Variants in PLXNA4 observed in about 807,000 individuals in gnomAD.
PLXNA4 encodes the protein plexin A4, also known as plexin-A4.
In PLXNA4, 44 loss-of-function variants were observed where a neutral mutation model predicts 191.8. The observed-to-expected ratio is 0.23, with a 90% CI of 0.18 to 0.29. The LOEUF (loss-of-function observed/expected upper bound fraction) is 0.29. PLXNA4 is among the 10% of genes least tolerant of loss of function. PLXNA4 has a pLI of 1.00. For synonymous variants in PLXNA4, 1,082 were observed against 1,009.5 expected, an observed-to-expected ratio of 1.07 and a Z score of -1.36; for missense variants, 1,800 against 2,488.8, an observed-to-expected ratio of 0.72 and a Z score of 5.89.
At position 132,354,186 on chromosome 7, in the gene PLXNA4, CGTGT is replaced by C. The variant is rs59554805; in HGVS notation, c.1372-55968_1372-55965del. 1.2e-4 allele frequency among the ~76,000 whole-genome samples: 16 copies of C among 132,630 alleles called. No individual in the cohort carries two copies. The East Asian group carries it at 1.4e-3, about 11-fold the overall frequency. The allele number at this position is 132,630 out of a possible 152,430, so 87.0% of individuals were successfully genotyped here. On this transcript the variant is annotated intron_variant, in intron 3 of 31. Transcript: ENST00000321063. ...AAGCCTGGGGCACCAACAGTGTGTG[CGTGT>C]GTGTGTGTGTGTGTGAGTGCACTGC... is the stretch of plus-strand genomic sequence containing the variant.
At chr7:132,240,410 T>C (rs1410962477) in intron 5 of PLXNA4, among the ~76,000 whole-genome samples, 3 of 152,190 alleles carry the variant, frequency 2.0e-5, no homozygotes, top group African/African-American at 7.2e-5. Context: ...AATAATAAAA[T>C]GGAGCCACAC....
At chr7:132,197,715 A>T (rs1797296012) in intron 13 of PLXNA4, among the ~76,000 whole-genome samples, 2 of 152,162 alleles carry the variant, frequency 1.3e-5, no homozygotes. Context: ...CTGATGGTTC[A>T]GAATTAGTAA....
chr7:132,479,753 G>A (rs560190642), intron 3 of PLXNA4, among the ~76,000 whole-genome samples: 10 of 152,188 alleles, frequency 6.6e-5, no homozygotes, highest in East Asian at 1.9e-4. Context: ...GGGTTCAAGC[G>A]ATTCTCCTGC....
rs1563048082 is a variant in PLXNA4 at position 132,132,430 on chromosome 7, C to CTGT, written c.5589+616_5589+618dup. Among the ~76,000 whole-genome samples the CTGT allele has an allele frequency of 2.4e-3, 186 of 76,380 alleles. 3 individuals are homozygous for CTGT. Among genetic ancestry groups the CTGT allele is most frequent in the African/African-American group, 8.5e-3 (176 of 20,708 alleles). The allele number at this position is 76,380 out of a possible 152,430, so 50.1% of individuals were successfully genotyped here. On this transcript the variant is annotated intron_variant, in intron 31 of 31. Transcript: ENST00000321063. ...CTGTTCTGTTCTGTTCTGTTCTGTT[C>CTGT]TGTTCTGTTCTGTTCTGTTCTGTTC...
intron 3 of PLXNA4, among the ~76,000 whole-genome samples, chr7:132,417,236 G>T (rs1484448501): frequency 2.0e-5 from 3 of 152,152 alleles, no homozygotes; most frequent in African/African-American, 7.2e-5. Flanking sequence ...GACAGCCAGA[G>T]ATGAAATGGC....
At chr7:132,322,776 G>A (rs1227423958) in intron 3 of PLXNA4, among the ~76,000 whole-genome samples, 2 of 152,152 alleles carry the variant, frequency 1.3e-5, no homozygotes, top group Non-Finnish European at 2.9e-5. Flanking sequence ...GGAAATTTAG[G>A]AGATCATTGG....
chr7:132,414,325 T>C (rs1794576511), intron 3 of PLXNA4, among the ~76,000 whole-genome samples: 3 of 152,106 alleles, frequency 2.0e-5, no homozygotes, highest in Non-Finnish European at 4.4e-5. Flanking sequence ...AATGGTTTGG[T>C]TTATTGGAAA....
chr7:132,449,987 T>G (rs1274234784), intron 3 of PLXNA4, among the ~76,000 whole-genome samples: 1 of 152,192 alleles, frequency 6.6e-6, no homozygotes, highest in African/African-American at 2.4e-5. Flanking sequence ...TCTGATGAAA[T>G]GCCTCTCCCA....
Position 132,482,981 on chromosome 7 carries a change from G to A in PLXNA4, c.1371+6311C>T, listed in dbSNP as rs149248602. Reference sequence around the variant, plus strand: ...GCTGGGATTACAGGGGTGAGCCACCGCGCCCGGCCGAGAGACCTCTTTTAA... The same window carrying A: ...GCTGGGATTACAGGGGTGAGCCACCACGCCCGGCCGAGAGACCTCTTTTAA... On this transcript the variant is annotated intron_variant, in intron 3 of 31. Coordinates refer to ENST00000321063, the MANE Select transcript of PLXNA4 (RefSeq NM_020911.2). 2.6e-4 allele frequency among the ~76,000 whole-genome samples: 39 copies of A among 152,178 alleles called. 1 individual carries two copies. Among genetic ancestry groups the A allele is most frequent in the African/African-American group, 7.9e-4 (33 of 41,512 alleles).
chr7:132,494,435 C>T (rs78675101), intron 2 of PLXNA4, among the ~76,000 whole-genome samples: 1 of 152,166 alleles, frequency 6.6e-6, no homozygotes, highest in Non-Finnish European at 1.5e-5. Context: ...TTGAGAAGCA[C>T]TGGCCTGGAT....
intron 3 of PLXNA4, among the ~76,000 whole-genome samples, chr7:132,378,939 C>T (rs996165595): frequency 2.0e-5 from 3 of 151,310 alleles, no homozygotes; most frequent in Non-Finnish European, 4.4e-5. Context: ...ACAACCTCCG[C>T]CTCCCAGGCT....
chr7:132,223,931 G>A (rs1397040510), intron 8 of PLXNA4, among the ~76,000 whole-genome samples: 1 of 151,990 alleles, frequency 6.6e-6, no homozygotes, highest in African/African-American at 2.4e-5. Context: ...TTCAAAAGAG[G>A]GAATGATAAG....
chr7:132,163,393 T>C (rs530298748), intron 24 of PLXNA4, among the ~76,000 whole-genome samples: 7 of 152,314 alleles, frequency 4.6e-5, no homozygotes, highest in African/African-American at 1.7e-4. Flanking sequence ...ACTATGATTA[T>C]CCCCACTTTA....
chr7:132,484,062 CACTT>C (rs1390776606), intron 3 of PLXNA4, among the ~76,000 whole-genome samples: 2 of 152,180 alleles, frequency 1.3e-5, no homozygotes, highest in Non-Finnish European at 2.9e-5. Context: ...AGTGTGGCCA[CACTT>C]ACATCAAAAG....
intron 2 of PLXNA4, among the ~76,000 whole-genome samples, chr7:132,612,238 G>A (rs1803062142): frequency 1.3e-5 from 2 of 152,174 alleles, no homozygotes; most frequent in South Asian, 4.1e-4. Flanking sequence ...AATAGCACCT[G>A]TTAGCTACAT....
intron 1 of PLXNA4, among the ~76,000 whole-genome samples, chr7:132,509,234 G>A (rs776492123): frequency 5.9e-5 from 9 of 152,068 alleles, no homozygotes; most frequent in Non-Finnish European, 1.2e-4. Flanking sequence ...AGCTTTGTCC[G>A]GTGTTCCCCA....
intron 1 of PLXNA4, among the ~76,000 whole-genome samples, chr7:132,646,959 T>C (rs1343868170): frequency 1.4e-5 from 2 of 146,724 alleles, no homozygotes; most frequent in Non-Finnish European, 3.0e-5. Context: ...ACACACGCTG[T>C]CATACACTCA....
At chr7:132,630,835 T>C (rs1049640461) in intron 2 of PLXNA4, among the ~76,000 whole-genome samples, 1 of 152,206 alleles carries the variant, frequency 6.6e-6, no homozygotes, top group African/African-American at 2.4e-5. Flanking sequence ...TATGGTCATG[T>C]CAGTGGAGTT....
intron 22 of PLXNA4, among the ~76,000 whole-genome samples, chr7:132,166,257 T>C (rs902718490): frequency 4.6e-5 from 7 of 150,982 alleles, no homozygotes; most frequent in African/African-American, 1.7e-4. Context: ...TCCACATCCT[T>C]TGGAACTTCC....
Sources: gnomAD v4.1 joint callset for allele counts (sites outside exome capture counted in the v4.1 genomes callset) on GRCh38, gnomAD v4.1.1 for gene constraint, MANE v1.5 for transcripts, NCBI Gene and HGNC (gene_info 2026-07-23, HGNC 2026-07-21) for gene names.